The following NUP155 variants were observed in gnomAD, a reference collection of about 807,000 sequenced individuals.
NUP155 encodes nucleoporin 155, also known as nuclear pore complex protein Nup155.
A neutral mutation model predicts 180.4 loss-of-function variants in NUP155; 71 were observed. That is an observed-to-expected ratio of 0.39 (90% CI 0.33 to 0.48). The LOEUF is 0.48. Among genes scored for constraint, NUP155 ranks in the 20% least tolerant of loss-of-function variants. The pLI, the probability that NUP155 is intolerant of heterozygous loss-of-function variation, is 0.91. For missense variants in NUP155, 1,553 were observed against 1,648.9 expected (o/e 0.94, Z 1.01); for synonymous variants, 582 against 559.5 (o/e 1.04, Z -0.57).
chr5:37,321,683 C>T (rs1311611220), intron 20 of NUP155, among the ~76,000 whole-genome samples: 1 of 151,828 alleles, frequency 6.6e-6, no homozygotes, highest in South Asian at 2.1e-4. Flanking sequence ...CACCACTGCA[C>T]TCCAGCCTGG....
intron 12 of NUP155, 88 bp downstream of exon 12, chr5:37,337,730 C>CA (rs1745430230): frequency 1.3e-6 from 1 of 747,616 alleles, no homozygotes; most frequent in African/African-American, 1.8e-5. Context: ...AAGCAAACAG[C>CA]AATACATCAG....
At chr5:37,353,326 C>T (rs13161931) in intron 4 of NUP155, among the ~76,000 whole-genome samples, 24 of 151,978 alleles carry the variant, frequency 1.6e-4, no homozygotes, top group African/African-American at 4.8e-4. Flanking sequence ...TGGCCGGGCA[C>T]GCCTGTAATC....
At position 37,292,049 on chromosome 5, in the gene NUP155, A is replaced by G; in HGVS notation, c.4038-11T>C. The stretch of plus-strand genomic sequence containing the variant: ...TTTGTAAATCTTCTCCTACAACGAA[A>G]AAGACACATGATTAATTATACATTT... On this transcript the variant is annotated splice_polypyrimidine_tract_variant and intron_variant, in intron 34 of 34. Coordinates refer to ENST00000231498, the MANE Select transcript of NUP155 (RefSeq NM_153485.3). 1 of 1,613,864 alleles carries G rather than the reference A, an allele frequency of 6.2e-7. No individual in the cohort carries two copies. Among genetic ancestry groups the G allele is most frequent in the South Asian group, 1.1e-5 (1 of 91,076 alleles).
intron 1 of NUP155, among the ~76,000 whole-genome samples, chr5:37,366,072 T>C (rs1015528063): frequency 2.0e-5 from 3 of 151,932 alleles, no homozygotes; most frequent in Non-Finnish European, 4.4e-5. Context: ...CAGTATCTTA[T>C]TGGGGGGATA....
intron 22 of NUP155, among the ~76,000 whole-genome samples, chr5:37,311,850 T>C (rs1743549618): frequency 6.6e-6 from 1 of 151,874 alleles, no homozygotes; most frequent in Admixed American, 6.6e-5. Flanking sequence ...CGAAACCCGG[T>C]CTCTTACTAA....
intron 14 of NUP155, among the ~76,000 whole-genome samples, chr5:37,330,907 T>C (rs1160707094): frequency 1.3e-5 from 2 of 152,118 alleles, no homozygotes; most frequent in Non-Finnish European, 2.9e-5. Context: ...CCCAGCACTT[T>C]GGCAGGCCGA....
At chr5:37,307,986 A>G (rs1260901220) in intron 24 of NUP155, among the ~76,000 whole-genome samples, 2 of 150,952 alleles carry the variant, frequency 1.3e-5, no homozygotes, top group Non-Finnish European at 3.0e-5. Context: ...CATTGGAAAA[A>G]AAAGATCCTA....
intron 22 of NUP155, 21 bp downstream of exon 22, chr5:37,314,177 T>C (rs1581148150): frequency 7.0e-6 from 11 of 1,562,092 alleles, no homozygotes; most frequent in Non-Finnish European, 9.7e-6. Flanking sequence ...GGTATAATCA[T>C]AAAAAAATAA....
In NUP155 at chr5:37,291,670, TAATA is replaced by T. The variant is rs1238380347; in HGVS notation, c.*226_*229del. On this transcript the variant is annotated 3_prime_UTR_variant, in exon 35 of 35. Coordinates refer to ENST00000231498, the MANE Select transcript of NUP155 (RefSeq NM_153485.3). ...AATTTTTTTAATCCTTATGTTAAAATAATAAATAATCTCATTTCAGTTGTTTTTT... is the reference window on the plus strand; with the variant it reads ...AATTTTTTTAATCCTTATGTTAAAATAATAATCTCATTTCAGTTGTTTTTT... 2.5e-5 allele frequency: 10 copies of T among 399,886 alleles called. No individual in the cohort carries two copies. The highest frequency in any genetic ancestry group is 1.8e-4 in the South Asian group (5 of 27,784). 24.8% of individuals were successfully genotyped at this position (399,886 alleles called of 1,614,324 possible).
At chr5:37,347,838 T>A (rs145366158) in intron 9 of NUP155, among the ~76,000 whole-genome samples, 1,810 of 151,134 alleles carry the variant, frequency 0.012, 24 homozygotes, top group African/African-American at 0.042. Context: ...CAATCTCTAC[T>A]AAAAATACAA....
chr5:37,352,291 G>C (rs377703461), intron 5 of NUP155, among the ~76,000 whole-genome samples: 3 of 152,178 alleles, frequency 2.0e-5, no homozygotes, highest in East Asian at 3.8e-4. Flanking sequence ...CTGGGAGGCA[G>C]AGGTTGCACT....
chr5:37,351,353 G>A lies in NUP155; in HGVS notation c.560C>T (p.Ser187Phe). ...AGACAAACTATCATTAAGAACTCCA[G>A]AACCTATTTAAGAAAGAATACATAA... Reference protein sequence around the residue: ...GLSYANLQTGSGVLNDSLSGG... With the variant: ...GLSYANLQTGFGVLNDSLSGG... The change falls in exon 6 of 35, where the codon TCT (serine) becomes TTT (phenylalanine). Residue 187 changes from serine (S) to phenylalanine (F), a missense_variant. Physicochemically the swap from Ser to Phe is radical, Grantham distance 155 (BLOSUM62 -2). Coordinates refer to ENST00000231498, the MANE Select transcript of NUP155 (RefSeq NM_153485.3). 1 of 1,609,236 alleles carries A rather than the reference G, an allele frequency of 6.2e-7. No homozygotes were observed. Among genetic ancestry groups the A allele is most frequent in the Non-Finnish European group, 8.5e-7 (1 of 1,176,156 alleles).
At chr5:37,301,135 T>A (rs913992054) in intron 30 of NUP155, 1 of 331,752 alleles carries the variant, frequency 3.0e-6, no homozygotes, top group African/African-American at 2.1e-5. Flanking sequence ...TTTTGCTATT[T>A]TTTTGTAAAG....
intron 25 of NUP155, 86 bp downstream of exon 25, chr5:37,307,211 A>T: frequency 7.1e-7 from 1 of 1,407,020 alleles, no homozygotes; most frequent in Non-Finnish European, 9.8e-7. Flanking sequence ...AAAAAAAAAA[A>T]AACATAAAAC....
chr5:37,345,740 T>G (rs1746038901), intron 9 of NUP155, among the ~76,000 whole-genome samples: 1 of 151,494 alleles, frequency 6.6e-6, no homozygotes, highest in Admixed American at 6.6e-5. Flanking sequence ...CTGTCTCTAC[T>G]GAAAATACAA....
rs1450084674 is a variant in NUP155 at position 37,347,250 on chromosome 5, GA to G, written c.995+1254del. Among the ~76,000 whole-genome samples, 3 of 151,926 alleles carry G rather than the reference GA, an allele frequency of 2.0e-5. No homozygotes were observed. In the East Asian group the frequency reaches 5.8e-4, roughly 29 times the overall value. On this transcript the variant is annotated intron_variant, in intron 9 of 34. Transcript: ENST00000231498. ...CTCAAAAAGAAGCAAACAAAAAACCGAAAGAGTGAATAGTTAAAAGTGGGGA... is the reference window on the plus strand; with the variant it reads ...CTCAAAAAGAAGCAAACAAAAAACCGAAGAGTGAATAGTTAAAAGTGGGGA...
intron 23 of NUP155, among the ~76,000 whole-genome samples, chr5:37,310,288 T>G (rs1022466814): frequency 6.6e-6 from 1 of 152,138 alleles, no homozygotes; most frequent in African/African-American, 2.4e-5. Context: ...ATCACAGCAC[T>G]GCACTACAGC....
At chr5:37,330,916 G>A (rs574647277) in intron 14 of NUP155, among the ~76,000 whole-genome samples, 4 of 152,138 alleles carry the variant, frequency 2.6e-5, no homozygotes, top group South Asian at 2.1e-4. Flanking sequence ...TTGGCAGGCC[G>A]AGGCGGGTGG....
chr5:37,333,362 A>G, intron 13 of NUP155, 101 bp downstream of exon 13: 1 of 1,120,010 alleles, frequency 8.9e-7, no homozygotes, highest in Non-Finnish European at 1.4e-6. Flanking sequence ...TCAAAAAAAA[A>G]AGAAAGAAAA....
Sources: allele counts gnomAD v4.1 joint callset (sites outside exome capture counted in the v4.1 genomes callset), GRCh38; gene constraint gnomAD v4.1.1; transcripts MANE v1.5; gene names NCBI Gene and HGNC (gene_info 2026-07-23, HGNC 2026-07-21).